The following ZNF114 variants were observed in gnomAD, a reference collection of about 807,000 sequenced individuals.
ZNF114 encodes the protein zinc finger protein 114 (Y18).
ZNF114 carries 8 observed loss-of-function variants against 6.8 expected under a neutral mutation model. That is an observed-to-expected ratio of 1.18 (90% CI 0.69 to 2.13). The LOEUF is 2.13. Ranked by LOEUF, ZNF114 falls within the 30% of genes most tolerant of loss-of-function variation. ZNF114 has a pLI of 0.00. For synonymous variants in ZNF114, 169 were observed against 185.5 expected (o/e 0.91, Z 0.72); for missense variants, 472 against 519.5 (o/e 0.91, Z 0.89).
In ZNF114 at chr19:48,286,911, G is replaced by A; in HGVS notation, c.*33G>A. On this transcript the variant is annotated 3_prime_UTR_variant, in exon 6 of 6. Coordinates refer to ENST00000595607, the MANE Select transcript of ZNF114 (RefSeq NM_153608.4). ...GTGGAAAATTTTTCATTAATTTTCT[G>A]ACTGTACCAAACATGTGAGGAGGAC... 1 of 1,532,164 alleles carries A rather than the reference G, an allele frequency of 6.5e-7. No homozygotes were observed. Among genetic ancestry groups the A allele is most frequent in the Non-Finnish European group, 8.7e-7 (1 of 1,146,964 alleles). 94.9% of individuals were successfully genotyped at this position (1,532,164 alleles called of 1,614,324 possible).
chr19:48,285,950 C>T lies in ZNF114; in HGVS notation c.326C>T (p.Pro109Leu). 6.2e-7 allele frequency: 1 copy of T among 1,614,038 alleles called. No individual in the cohort carries two copies. Among genetic ancestry groups the T allele is most frequent in the Non-Finnish European group, 8.5e-7 (1 of 1,180,024 alleles). Residue 109 changes from proline to leucine, a missense_variant, in exon 6 of 6, where the codon CCT (proline) becomes CTT (leucine). Coordinates refer to ENST00000595607, the MANE Select transcript of ZNF114 (RefSeq NM_153608.4). ...CAGGGGGTGAATAATGTGAAGCCAC[C>T]TGCAGTTGCCCCTGAGAAAGATGAA... Reference protein sequence around the residue: ...HRQGVNNVKPPAVAPEKDESP... With the variant: ...HRQGVNNVKPLAVAPEKDESP...
At chr19:48,282,324 C>A in intron 4 of ZNF114, 47 bp from the exon 5 acceptor site, 1 of 1,608,084 alleles carries the variant, frequency 6.2e-7, no homozygotes, top group Non-Finnish European at 8.5e-7. Flanking sequence ...ACAGTTCAAA[C>A]TGATAACAGG....
chr19:48,283,186 A>G (rs538519861), intron 5 of ZNF114, among the ~76,000 whole-genome samples: 2 of 152,154 alleles, frequency 1.3e-5, no homozygotes, highest in South Asian at 2.1e-4. Flanking sequence ...CAGCTAATGC[A>G]TTACATTTTT....
chr19:48,282,257 T>C (rs1968012369), intron 4 of ZNF114, 114 bp from the exon 5 acceptor site: 2 of 1,430,880 alleles, frequency 1.4e-6, no homozygotes, highest in African/African-American at 1.4e-5. Context: ...TCAGGTCACC[T>C]TTGCAGGTAC....
At chr19:48,272,854 G>GGC (rs1967708042) in intron 3 of ZNF114, among the ~76,000 whole-genome samples, 1 of 139,100 alleles carries the variant, frequency 7.2e-6, no homozygotes, top group African/African-American at 2.7e-5. Context: ...GGAGCGCTGT[G>GGC]GCGCGATCTC....
intron 3 of ZNF114, among the ~76,000 whole-genome samples, chr19:48,274,046 C>T (rs1032210864): frequency 1.3e-5 from 2 of 151,186 alleles, no homozygotes; most frequent in Non-Finnish European, 2.9e-5. Context: ...CGTGAGCCAC[C>T]GTGCCTGGCC....
chr19:48,284,074 A>G (rs1968059159), intron 5 of ZNF114, among the ~76,000 whole-genome samples: 1 of 152,074 alleles, frequency 6.6e-6, no homozygotes, highest in Non-Finnish European at 1.5e-5. Context: ...AGAATTGGAG[A>G]CGTTGATTGG....
Position 48,286,955 on chromosome 19 carries a change from A to C in ZNF114, c.*77A>C. ...GGAGGACATATTGGAAGGGAGCTCA[A>C]GGGGTTAGCATGAGTGAGAACATCT... On this transcript the variant is annotated 3_prime_UTR_variant, in exon 6 of 6. Transcript: ENST00000595607. The C allele has an allele frequency of 6.9e-7, 1 of 1,449,598 alleles. No individual in the cohort carries two copies. Among genetic ancestry groups the C allele is most frequent in the Non-Finnish European group, 9.2e-7 (1 of 1,087,714 alleles). The allele number at this position is 1,449,598 out of a possible 1,614,324, so 89.8% of individuals were successfully genotyped here.
Position 48,286,163 on chromosome 19 carries a change from TG to T in ZNF114, c.543del (p.Trp182GlyfsTer14). ...THENNEDDGVLGWNIQWVPCG... is the reference protein window; with the variant it reads ...THENNEDDGVXGWNIQWVPCG... ...GAAAACAACGAAGACGATGGAGTCTTGGGGTGGAACATTCAGTGGGTTCCGT... is the reference window on the plus strand; with the variant it reads ...GAAAACAACGAAGACGATGGAGTCTTGGGTGGAACATTCAGTGGGTTCCGT... On this transcript the variant is annotated frameshift_variant, in exon 6 of 6. Transcript: ENST00000595607. LOFTEE classifies it low-confidence loss of function (END_TRUNC). The T allele has an allele frequency of 1.2e-6, 2 of 1,614,102 alleles. No homozygotes were observed. The highest frequency in any genetic ancestry group is 1.3e-5 in the African/African-American group (1 of 75,014).
At chr19:48,272,136 C>G (rs1190199374) in intron 3 of ZNF114, among the ~76,000 whole-genome samples, 1 of 152,140 alleles carries the variant, frequency 6.6e-6, no homozygotes, top group African/African-American at 2.4e-5. Context: ...GCTGGCCGGG[C>G]GCGGTGGCTC....
intron 5 of ZNF114, 112 bp downstream of exon 5, chr19:48,282,609 A>G: frequency 7.6e-7 from 1 of 1,323,566 alleles, no homozygotes; most frequent in Non-Finnish European, 1.0e-6. Flanking sequence ...CCAGAGACAC[A>G]GCTGCTGCCC....
chr19:48,275,834 T>C (rs1312392296), intron 3 of ZNF114, among the ~76,000 whole-genome samples: 1 of 151,012 alleles, frequency 6.6e-6, no homozygotes, highest in Admixed American at 6.6e-5. Context: ...TACAAAAAAT[T>C]AGCAGGGCGC....
chr19:48,278,613 A>G lies in ZNF114; in HGVS notation c.-69-1118A>G, dbSNP rs557664218. Among the ~76,000 whole-genome samples, 32 of 152,126 alleles carry G rather than the reference A, an allele frequency of 2.1e-4. No individual in the cohort carries two copies. The South Asian group carries it at 6.0e-3, about 29-fold the overall frequency. ...GTTTGCTTTCTTTGTTCATGCATTG[A>G]TCAGTATTGGGTTGTCTCTACTTTG... On this transcript the variant is annotated intron_variant, in intron 3 of 5. Transcript: ENST00000595607.
chr19:48,286,061 T>C lies in ZNF114; in HGVS notation c.437T>C (p.Ile146Thr). ...CTTGTGCCTTCACAGGGAGATTCCATAAGACAATGTATCCTAACACGTGAC... is the reference window on the plus strand; with the variant it reads ...CTTGTGCCTTCACAGGGAGATTCCACAAGACAATGTATCCTAACACGTGAC... ...CRLVPSQGDSIRQCILTRDSS... is the reference protein window; with the variant it reads ...CRLVPSQGDSTRQCILTRDSS... The change falls in exon 6 of 6, where the codon ATA becomes ACA. Residue 146 changes from isoleucine to threonine, a missense_variant. Coordinates refer to ENST00000595607, the MANE Select transcript of ZNF114 (RefSeq NM_153608.4). 6.2e-7 allele frequency: 1 copy of C among 1,614,070 alleles called. No homozygotes were observed. Among genetic ancestry groups the C allele is most frequent in the Non-Finnish European group, 8.5e-7 (1 of 1,180,050 alleles).
chr19:48,281,690 G>C (rs1304166511), intron 4 of ZNF114: 2 of 148,518 alleles, frequency 1.3e-5, no homozygotes, highest in Non-Finnish European at 3.0e-5. Context: ...ACACTCACGG[G>C]TAATTTTTTT....
In ZNF114 at chr19:48,286,138, G is replaced by T. The variant is rs1555877179; in HGVS notation, c.514G>T (p.Glu172Ter). Residue 172 changes from glutamate (E) to a stop codon, truncating the protein, a stop_gained, in exon 6 of 6, where the codon GAA becomes TAA. Transcript: ENST00000595607. LOFTEE classifies it low-confidence loss of function (END_TRUNC). Reference sequence around the variant, plus strand: ...CTTAAACGATAGTCAAAAAACACATGAAAACAACGAAGACGATGGAGTCTT... The same window carrying T: ...CTTAAACGATAGTCAAAAAACACATTAAAACAACGAAGACGATGGAGTCTT... ...PVLNDSQKTH[E>*]NNEDDGVLGW... 1 of 1,614,052 alleles carries T rather than the reference G, an allele frequency of 6.2e-7. No individual in the cohort carries two copies. The highest frequency in any genetic ancestry group is 8.5e-7 in the Non-Finnish European group (1 of 1,180,042).
intron 4 of ZNF114, among the ~76,000 whole-genome samples, chr19:48,281,266 A>G (rs1967981576): frequency 6.6e-6 from 1 of 152,168 alleles, no homozygotes; most frequent in Non-Finnish European, 1.5e-5. Flanking sequence ...CTTAAACAAC[A>G]GACATTGATT....
intron 5 of ZNF114, among the ~76,000 whole-genome samples, chr19:48,282,982 C>T (rs1282984707): frequency 2.0e-5 from 3 of 152,004 alleles, no homozygotes; most frequent in Non-Finnish European, 4.4e-5. Flanking sequence ...TCCGGAAGTG[C>T]TGGGATTACA....
chr19:48,286,888 G>A lies in ZNF114; in HGVS notation c.*10G>A, dbSNP rs1218177552. 6.5e-7 allele frequency: 1 copy of A among 1,540,056 alleles called. No individual in the cohort carries two copies. The highest frequency in any genetic ancestry group is 1.3e-5 in the South Asian group (1 of 76,664). On this transcript the variant is annotated 3_prime_UTR_variant, in exon 6 of 6. Transcript: ENST00000595607. ...GAAGCCCTGTGAATGAAAGGAAGGT[G>A]GAAAATTTTTCATTAATTTTCTGAC...
Sources: gnomAD v4.1 joint callset for allele counts (sites outside exome capture counted in the v4.1 genomes callset) on GRCh38, gnomAD v4.1.1 for gene constraint, MANE v1.5 for transcripts, NCBI Gene and HGNC (gene_info 2026-07-23, HGNC 2026-07-21) for gene names.